CCDC125: variants seen among roughly 807,000 people sequenced by gnomAD.
CCDC125 encodes coiled-coil domain containing 125, also known as coiled-coil domain-containing protein 125.
Under a neutral mutation model 57.4 loss-of-function variants are expected in CCDC125, and 43 were observed. The ratio of observed to expected loss-of-function variants is 0.75; its 90% CI spans 0.59 to 0.97. The LOEUF is 0.97. Ranked by LOEUF, CCDC125 falls within the 50% of genes least tolerant of loss-of-function variation. The pLI is 0.00. For synonymous variants in CCDC125, 187 were observed against 195.2 expected, an observed-to-expected ratio of 0.96 and a Z score of 0.35; for missense variants, 563 against 595.7, an observed-to-expected ratio of 0.95 and a Z score of 0.57.
At chr5:69,283,888 T>C (rs900100933) in intron 11 of CCDC125, among the ~76,000 whole-genome samples, 5 of 151,842 alleles carry the variant, frequency 3.3e-5, no homozygotes, top group African/African-American at 1.2e-4. Flanking sequence ...TCTCCTGGGT[T>C]CACACCATTC....
At chr5:69,278,415 A>T (rs1752310202), downstream of CCDC125, among the ~76,000 whole-genome samples, 1 of 149,346 alleles carries the variant, frequency 6.7e-6, no homozygotes, top group African/African-American at 2.5e-5. Flanking sequence ...GGGTTTCACC[A>T]TATTGGCCAG....
intron 1 of CCDC125, among the ~76,000 whole-genome samples, chr5:69,326,238 T>C (rs1760721812): frequency 6.6e-6 from 1 of 152,200 alleles, no homozygotes. Context: ...CATCAGAGTA[T>C]ACCAAGTTTC....
intron 10 of CCDC125, among the ~76,000 whole-genome samples, chr5:69,288,828 G>T (rs1753935966): frequency 6.6e-6 from 1 of 152,192 alleles, no homozygotes; most frequent in Non-Finnish European, 1.5e-5. Context: ...TGTGAGAATT[G>T]AGGGAAATGA....
At chr5:69,284,561 C>A (rs1476193038) in intron 11 of CCDC125, among the ~76,000 whole-genome samples, 1 of 152,036 alleles carries the variant, frequency 6.6e-6, no homozygotes, top group Non-Finnish European at 1.5e-5. Flanking sequence ...AGCCTTTAAA[C>A]CTGCACAGAA....
At chr5:69,324,175 A>C (rs1161123264) in intron 1 of CCDC125, among the ~76,000 whole-genome samples, 4 of 152,224 alleles carry the variant, frequency 2.6e-5, no homozygotes, top group African/African-American at 9.6e-5. Flanking sequence ...TAGGATCAAA[A>C]TGCCATATAT....
chr5:69,283,220 CTTTTT>C (rs1219833408), intron 11 of CCDC125, among the ~76,000 whole-genome samples, 186 bp from the exon 12 acceptor site: 1 of 136,632 alleles, frequency 7.3e-6, no homozygotes, highest in Non-Finnish European at 1.6e-5. Context: ...ATTCATGAAT[CTTTTT>C]TTTTTTTTTT....
At chr5:69,278,778 G>A (rs1237832592), downstream of CCDC125, among the ~76,000 whole-genome samples, 1 of 138,956 alleles carries the variant, frequency 7.2e-6, no homozygotes, top group African/African-American at 2.7e-5. Flanking sequence ...ATGGCTCACT[G>A]CAGCTTCGAA....
chr5:69,315,760 CAA>C (rs749999748), intron 2 of CCDC125, among the ~76,000 whole-genome samples: 1 of 88,146 alleles, frequency 1.1e-5, no homozygotes, highest in Non-Finnish European at 2.2e-5. Context: ...AACTCCGTCT[CAA>C]AAAAAAAAAA....
At chr5:69,304,210 T>G (rs1177500586) in intron 6 of CCDC125, among the ~76,000 whole-genome samples, 1 of 151,942 alleles carries the variant, frequency 6.6e-6, no homozygotes, top group Non-Finnish European at 1.5e-5. Context: ...GTTCAAGTGA[T>G]TCTCCTGCCT....
At chr5:69,278,865 A>AT (rs35764556), downstream of CCDC125, among the ~76,000 whole-genome samples, 61,914 of 139,126 alleles carry the variant, frequency 0.45, 13,704 homozygotes, top group Middle Eastern at 0.48. Context: ...TGCCTGGTTA[A>AT]TTTTTTTTTT....
At chr5:69,301,030 G>GT (rs1430782927) in intron 7 of CCDC125, among the ~76,000 whole-genome samples, 2 of 139,822 alleles carry the variant, frequency 1.4e-5, no homozygotes, top group Admixed American at 7.6e-5. Context: ...CAGCCAGGAA[G>GT]TTGCAGTGAG....
At chr5:69,326,981 T>C (rs1344806397) in intron 1 of CCDC125, among the ~76,000 whole-genome samples, 1 of 152,048 alleles carries the variant, frequency 6.6e-6, no homozygotes, top group Non-Finnish European at 1.5e-5. Flanking sequence ...AAGGCTGCAG[T>C]GAGCTGTGAT....
At chr5:69,307,880 T>A in intron 5 of CCDC125, 71 bp downstream of exon 5, 2 of 1,146,220 alleles carry the variant, frequency 1.7e-6, no homozygotes, top group Non-Finnish European at 2.6e-6. Flanking sequence ...TCCATTAGTA[T>A]GGTGAGTTTA....
At chr5:69,293,487 T>TA (rs1359823864) in intron 9 of CCDC125, among the ~76,000 whole-genome samples, 4 of 151,910 alleles carry the variant, frequency 2.6e-5, no homozygotes, top group African/African-American at 7.2e-5. Context: ...CCGTCTCTAC[T>TA]AAAAATACAA....
intron 1 of CCDC125, among the ~76,000 whole-genome samples, chr5:69,328,412 T>C (rs150549157): frequency 6.6e-6 from 1 of 152,036 alleles, no homozygotes; most frequent in Non-Finnish European, 1.5e-5. Flanking sequence ...AGTATTAGAG[T>C]TATAGTGTAT....
At chr5:69,299,111 C>CTTT in intron 8 of CCDC125, among the ~76,000 whole-genome samples, 1 of 129,468 alleles carries the variant, frequency 7.7e-6, no homozygotes, top group South Asian at 2.4e-4. Flanking sequence ...TTCTTTCTTT[C>CTTT]TTTTTTTTTT....
Position 69,283,019 on chromosome 5 carries a change from C to T in CCDC125, c.1246G>A (p.Glu416Lys), listed in dbSNP as rs1417961014. Residue 416 changes from glutamate (E) to lysine (K), a missense_variant, in exon 12 of 12, where the codon GAA becomes AAA. By Grantham distance (56) the Glu-to-Lys change is moderately conservative. Transcript: ENST00000396496. Reference sequence around the variant, plus strand: ...ACTTTTCTTTGATGAGCCAAAGCTTCTTCTTTATCATTAAGCTGCATGCAC... The same window carrying T: ...ACTTTTCTTTGATGAGCCAAAGCTTTTTCTTTATCATTAAGCTGCATGCAC... ...MLIDLLNDKE[E>K]ALAHQRKVSY... is the part of the protein sequence containing the mutation. The T allele has an allele frequency of 3.1e-6, 5 of 1,591,890 alleles. No homozygotes were observed. The highest frequency in any genetic ancestry group is 4.3e-6 in the Non-Finnish European group (5 of 1,172,446).
the CCDC125 span, among the ~76,000 whole-genome samples, chr5:69,274,367 G>C: frequency 6.6e-6 from 1 of 152,184 alleles, no homozygotes. Context: ...CGGTGCATCG[G>C]CTCACACCTG....
intron 4 of CCDC125, 169 bp downstream of exon 4, chr5:69,310,949 T>C: frequency 4.7e-6 from 2 of 428,998 alleles, no homozygotes; most frequent in South Asian, 5.8e-5. Flanking sequence ...GTAGTGTACA[T>C]TTACATGTGA....
Sources: gnomAD v4.1 joint callset for allele counts (sites outside exome capture counted in the v4.1 genomes callset) on GRCh38, gnomAD v4.1.1 for gene constraint, MANE v1.5 for transcripts, NCBI Gene and HGNC (gene_info 2026-07-23, HGNC 2026-07-21) for gene names.